RNF115: variants seen among roughly 807,000 people sequenced by gnomAD.
RNF115 encodes E3 ubiquitin-protein ligase RNF115.
RNF115 carries 31 observed loss-of-function variants against 39.2 expected under a neutral mutation model. That is an observed-to-expected ratio of 0.79 (90% CI 0.59 to 1.07). RNF115 has a LOEUF of 1.07. Among genes scored for constraint, RNF115 ranks in the 50% least tolerant of loss-of-function variants. The probability of loss-of-function intolerance (pLI) is 0.00; values close to 1 mark genes in which losing one functional copy is unlikely to be tolerated. For missense variants in RNF115, 384 were observed against 381.7 expected, an observed-to-expected ratio of 1.01 and a Z score of -0.05; for synonymous variants, 124 against 131.0, an observed-to-expected ratio of 0.95 and a Z score of 0.37.
chr1:145,799,224 T>C (rs1553720513), intron 1 of RNF115, among the ~76,000 whole-genome samples: 1 of 152,032 alleles, frequency 6.6e-6, no homozygotes, highest in African/African-American at 2.4e-5. Context: ...CCTGCCATCA[T>C]GCCCAGCTAA....
rs782588534 is a variant in RNF115, at chr1:145,750,426, T to C, written c.648A>G (p.Thr216=). Residue 216 remains threonine (T), a synonymous_variant, in exon 7 of 9, where the codon ACA becomes ACG. Coordinates refer to ENST00000582693, the MANE Select transcript of RNF115 (RefSeq NM_014455.4). Reference sequence around the variant, plus strand: ...ACCTACCAACTTGTTCCTGAGTTACTGTCACTGTTGGAAGAGATGTGATCT... The same window carrying C: ...ACCTACCAACTTGTTCCTGAGTTACCGTCACTGTTGGAAGAGATGTGATCT... ...KEKITSLPTV[T]VTQEQVDMGL... The C allele has an allele frequency of 1.9e-6, 3 of 1,613,582 alleles. No homozygotes were observed. Among genetic ancestry groups the C allele is most frequent in the Non-Finnish European group, 2.5e-6 (3 of 1,179,494 alleles).
At chr1:145,783,271 G>A (rs967839013) in intron 3 of RNF115, among the ~76,000 whole-genome samples, 4 of 152,158 alleles carry the variant, frequency 2.6e-5, no homozygotes, top group Non-Finnish European at 5.9e-5. Flanking sequence ...GGGCAGTTCA[G>A]AGTTAACCAA....
chr1:145,759,660 A>C (rs1021112601), intron 4 of RNF115, among the ~76,000 whole-genome samples: 3 of 152,056 alleles, frequency 2.0e-5, no homozygotes, highest in Non-Finnish European at 4.4e-5. Flanking sequence ...GCAGCCCCCC[A>C]TTCTATTTTC....
chr1:145,749,667 C>T (rs1482489328), intron 7 of RNF115, among the ~76,000 whole-genome samples: 1 of 152,204 alleles, frequency 6.6e-6, no homozygotes, highest in Non-Finnish European at 1.5e-5. Context: ...TGAACCTCAT[C>T]TGGACTGCTG....
At chr1:145,762,224 A>C (rs930305818) in intron 4 of RNF115, among the ~76,000 whole-genome samples, 3 of 152,194 alleles carry the variant, frequency 2.0e-5, no homozygotes, top group African/African-American at 7.2e-5. Flanking sequence ...ATGAATTAAG[A>C]CTTTGGGGGA....
intron 1 of RNF115, among the ~76,000 whole-genome samples, chr1:145,811,370 A>AAAG (rs1553722526): frequency 1.8e-4 from 27 of 146,694 alleles, no homozygotes; most frequent in African/African-American, 6.9e-4. Flanking sequence ...AAAAAAAAAA[A>AAAG]AAAAAGAAAA....
At chr1:145,751,363 T>C (rs1553712450) in intron 6 of RNF115, 75 bp downstream of exon 6, 5 of 1,031,776 alleles carry the variant, frequency 4.8e-6, no homozygotes, top group African/African-American at 4.8e-5. Context: ...TTTCAGAAAG[T>C]AGCAGAAGGA....
At chr1:145,757,643 C>T (rs587753103) in intron 4 of RNF115, among the ~76,000 whole-genome samples, 1 of 152,274 alleles carries the variant, frequency 6.6e-6, no homozygotes, top group South Asian at 2.1e-4. Context: ...AACTCCTGGG[C>T]AGAAGTAGAA....
intron 4 of RNF115, among the ~76,000 whole-genome samples, chr1:145,770,742 T>C (rs1216756546): frequency 5.3e-5 from 8 of 152,180 alleles, no homozygotes; most frequent in African/African-American, 1.4e-4. Flanking sequence ...ATAAAGCAGA[T>C]AAAGCATGAA....
At chr1:145,752,583 C>CTTTT (rs1279960498) in intron 5 of RNF115, among the ~76,000 whole-genome samples, 3 of 60,444 alleles carry the variant, frequency 5.0e-5, no homozygotes, top group African/African-American at 2.6e-4. Context: ...ACCTATGCAG[C>CTTTT]TCTTTTTTTT....
chr1:145,769,131 A>G (rs2799104), intron 4 of RNF115, among the ~76,000 whole-genome samples: 82,428 of 152,026 alleles, frequency 0.54, 23,999 homozygotes, highest in African/African-American at 0.75. Context: ...TAGTATAAGT[A>G]AACAGTTAAA....
rs1331887533 is a variant in RNF115, at chr1:145,798,012, T to C, written c.103-9046A>G. Among the ~76,000 whole-genome samples the C allele has an allele frequency of 3.9e-5, 6 of 152,254 alleles. No individual in the cohort carries two copies. The East Asian group carries it at 1.2e-3, about 29-fold the overall frequency. On this transcript the variant is annotated intron_variant, in intron 1 of 8. Coordinates refer to ENST00000582693, the MANE Select transcript of RNF115 (RefSeq NM_014455.4). Reference sequence around the variant, plus strand: ...ATCTGTTTATTTGATTTTTTGTTGTTGAGTTGTTGTTCTTTCTACATTCTG... The same window carrying C: ...ATCTGTTTATTTGATTTTTTGTTGTCGAGTTGTTGTTCTTTCTACATTCTG...
At chr1:145,792,130 G>A (rs1190616020) in intron 1 of RNF115, among the ~76,000 whole-genome samples, 2 of 152,018 alleles carry the variant, frequency 1.3e-5, no homozygotes, top group Admixed American at 1.3e-4. Context: ...GCCCTGGCTG[G>A]TCTGAAAGAA....
chr1:145,800,890 A>G (rs1425486339), intron 1 of RNF115, among the ~76,000 whole-genome samples: 2 of 152,048 alleles, frequency 1.3e-5, no homozygotes, highest in African/African-American at 4.8e-5. Flanking sequence ...GAGCTTTAGG[A>G]CGGGCGCAGT....
intron 4 of RNF115, among the ~76,000 whole-genome samples, chr1:145,754,494 C>CGGT (rs1410601656): frequency 2.6e-5 from 4 of 152,166 alleles, no homozygotes; most frequent in African/African-American, 9.7e-5. Context: ...GCTGGGATTA[C>CGGT]AGATGCACAC....
At chr1:145,779,600 T>G (rs1390823458) in intron 3 of RNF115, among the ~76,000 whole-genome samples, 1 of 152,128 alleles carries the variant, frequency 6.6e-6, no homozygotes, top group Non-Finnish European at 1.5e-5. Context: ...GGTATGCACA[T>G]GAGAAATGAG....
intron 1 of RNF115, among the ~76,000 whole-genome samples, chr1:145,806,583 GACGCAGATC>G (rs1262513177): frequency 1.3e-5 from 2 of 152,124 alleles, no homozygotes; most frequent in East Asian, 3.9e-4. Flanking sequence ...TTAGGTCATG[GACGCAGATC>G]CCTCATGAAT....
intron 4 of RNF115, among the ~76,000 whole-genome samples, chr1:145,767,831 G>C (rs1647429462): frequency 6.6e-6 from 1 of 152,252 alleles, no homozygotes; most frequent in African/African-American, 2.4e-5. Context: ...AAACCAGTCA[G>C]GCGTGGCGGC....
intron 4 of RNF115, 126 bp downstream of exon 4, chr1:145,771,585 T>A (rs1647642011): frequency 2.8e-6 from 2 of 722,888 alleles, no homozygotes; most frequent in Non-Finnish European, 4.6e-6. Context: ...TTCACTTTCA[T>A]CCTTTCTACA....
Sources: gnomAD v4.1 joint callset for allele counts (sites outside exome capture counted in the v4.1 genomes callset) on GRCh38, gnomAD v4.1.1 for gene constraint, MANE v1.5 for transcripts, NCBI Gene and HGNC (gene_info 2026-07-23, HGNC 2026-07-21) for gene names.